Variants in MYH1 observed in about 807,000 individuals in gnomAD.
MYH1 encodes myosin heavy chain 1.
MYH1 carries 214 observed loss-of-function variants against 225.6 expected under a neutral mutation model. That is an observed-to-expected ratio of 0.95 (90% CI 0.85 to 1.06). The LOEUF is 1.06. Ranked by LOEUF, MYH1 falls within the 50% of genes least tolerant of loss-of-function variation. MYH1 has a pLI of 0.00. For synonymous variants in MYH1, 774 were observed against 842.3 expected, an observed-to-expected ratio of 0.92 and a Z score of 1.40; for missense variants, 2,098 against 2,344.2, an observed-to-expected ratio of 0.89 and a Z score of 2.17.
At chr17:10,506,267 C>T (rs889712863) in intron 17 of MYH1, among the ~76,000 whole-genome samples, 168 bp from the exon 18 acceptor site, 7 of 152,030 alleles carry the variant, frequency 4.6e-5, no homozygotes, top group Non-Finnish European at 1.0e-4. Context: ...TAATATGTCC[C>T]CCTGTTTTCT....
At chr17:10,510,097 C>T (rs116547829) in intron 14 of MYH1, among the ~76,000 whole-genome samples, 1,996 of 151,540 alleles carry the variant, frequency 0.013, 45 homozygotes, top group African/African-American at 0.045. Context: ...CATACGTGGG[C>T]GACACAGCTT....
At chr17:10,493,709 A>C (rs2142251523) in intron 39 of MYH1, among the ~76,000 whole-genome samples, 1 of 152,298 alleles carries the variant, frequency 6.6e-6, no homozygotes, top group Non-Finnish European at 1.5e-5. Flanking sequence ...TAAGTGTTAC[A>C]TCATCCACTT....
intron 20 of MYH1, 27 bp from the exon 21 acceptor site, chr17:10,505,326 G>T: frequency 1.9e-6 from 3 of 1,614,160 alleles, no homozygotes; most frequent in Middle Eastern, 1.6e-4. Flanking sequence ...TTTCAGATCA[G>T]AAAATTTACA....
In MYH1 at chr17:10,494,670, G is replaced by A. The variant is rs376061795; in HGVS notation, c.5470C>T (p.Arg1824Cys). 1.9e-5 allele frequency: 31 copies of A among 1,613,414 alleles called. No homozygotes were observed. Among genetic ancestry groups the A allele is most frequent in the Non-Finnish European group, 2.5e-5 (30 of 1,179,932 alleles). ...KQIQKLEARV[R>C]ELEGEVESEQ... ...CTTTCAACTTCACCTTCAAGTTCACGAACCTACAAGAAGATGGACATTTTA... is the reference window on the plus strand; with the variant it reads ...CTTTCAACTTCACCTTCAAGTTCACAAACCTACAAGAAGATGGACATTTTA... The change falls in exon 38 of 40, where the codon CGT becomes TGT. Residue 1824 changes from arginine (R) to cysteine (C), a missense_variant. Physicochemically the swap from Arg to Cys is radical, Grantham distance 180. Coordinates refer to ENST00000226207, the MANE Select transcript of MYH1 (RefSeq NM_005963.4).
Position 10,512,301 on chromosome 17 carries a change from T to A in MYH1, c.1147+107A>T, listed in dbSNP as rs186044532. ...TGTAGAAAGTCTGTGTGTGGGTACA[T>A]CTGAGTATGTCCATCAGGAGCTCAG... On this transcript the variant is annotated intron_variant, in intron 12 of 39. Coordinates refer to ENST00000226207, the MANE Select transcript of MYH1 (RefSeq NM_005963.4). The A allele has an allele frequency of 3.2e-5, 51 of 1,592,876 alleles. No individual in the cohort carries two copies. In the East Asian group the frequency reaches 1.1e-3, roughly 33 times the overall value.
At chr17:10,505,126 A>G in intron 21 of MYH1, 37 bp downstream of exon 21, 1 of 1,613,538 alleles carries the variant, frequency 6.2e-7, no homozygotes, top group South Asian at 1.1e-5. Context: ...TAAAACACCT[A>G]AGATGATGAG....
intron 39 of MYH1, among the ~76,000 whole-genome samples, chr17:10,493,912 C>G (rs73275458): frequency 0.019 from 2,885 of 152,304 alleles, 76 homozygotes; most frequent in African/African-American, 0.066. Flanking sequence ...TCTCTGCACC[C>G]ACTTGTGTTA....
chr17:10,507,947 C>T lies in MYH1; in HGVS notation c.1907G>A (p.Gly636Asp), dbSNP rs2073129984. Residue 636 changes from glycine to aspartate, a missense_variant, in exon 17 of 40, where the codon GGT (glycine) becomes GAT (aspartate). By Grantham distance (94) the Gly-to-Asp change is moderately conservative. Transcript: ENST00000226207. ...CTTCTTCTTACCACCTTTCTTTCCA[C>T]CGCCAGCCTCTGAGGGGAAAAAGAA... ...GATGAEAEAG[G>D]GKKGGKKKGS... 1.6e-5 allele frequency: 26 copies of T among 1,613,476 alleles called. No individual in the cohort carries two copies. The highest frequency in any genetic ancestry group is 2.2e-5 in the Non-Finnish European group (26 of 1,179,502).
In MYH1 at chr17:10,504,843, T is replaced by C; in HGVS notation, c.2658A>G (p.Gln886=). Residue 886 remains glutamine (Q), a synonymous_variant, in exon 22 of 40, where the codon CAA becomes CAG. Coordinates refer to ENST00000226207, the MANE Select transcript of MYH1 (RefSeq NM_005963.4). ...CCTGGAGTTGCAAGTCATTTTTTTCTTGCATCAGAGTAACCATTTTTTCTT... is the reference window on the plus strand; with the variant it reads ...CCTGGAGTTGCAAGTCATTTTTTTCCTGCATCAGAGTAACCATTTTTTCTT... The part of the protein sequence containing the change: ...ELEEKMVTLM[Q]EKNDLQLQVQ... The C allele has an allele frequency of 6.2e-7, 1 of 1,614,108 alleles. No homozygotes were observed. The highest frequency in any genetic ancestry group is 2.2e-5 in the East Asian group (1 of 44,886).
intron 37 of MYH1, 39 bp from the exon 38 acceptor site, chr17:10,494,712 G>T: frequency 6.2e-7 from 1 of 1,609,530 alleles, no homozygotes; most frequent in South Asian, 1.1e-5. Flanking sequence ...TTCATTTGAC[G>T]AATTTCTACT....
intron 5 of MYH1, among the ~76,000 whole-genome samples, chr17:10,515,560 G>C (rs775592661): frequency 2.6e-5 from 4 of 152,132 alleles, no homozygotes; most frequent in African/African-American, 7.2e-5. Context: ...CAAAAGGATT[G>C]AACTCCTATT....
Position 10,512,562 on chromosome 17 carries a change from A to G in MYH1, c.1009-16T>C, listed in dbSNP as rs759695280. 6.2e-7 allele frequency: 1 copy of G among 1,614,084 alleles called. No homozygotes were observed. ...CAATGGCACTCTACCATGAGAGATGAGAAGACAAAGATTAGGGCACAAGAG... is the reference window on the plus strand; with the variant it reads ...CAATGGCACTCTACCATGAGAGATGGGAAGACAAAGATTAGGGCACAAGAG... On this transcript the variant is annotated splice_polypyrimidine_tract_variant and intron_variant, in intron 11 of 39. Coordinates refer to ENST00000226207, the MANE Select transcript of MYH1 (RefSeq NM_005963.4).
In MYH1 at chr17:10,497,127, A is replaced by T. The variant is rs773410516; in HGVS notation, c.4598T>A (p.Ile1533Lys). ...GGKRIHELEK[I>K]KKQVEQEKSE... ...CTTTTCTTGCTCAACTTGCTTCTTT[A>T]TTTTTTCCAGTTCATGGATGCGCTT... is the stretch of plus-strand genomic sequence containing the variant. Residue 1533 changes from isoleucine (I) to lysine (K), a missense_variant, in exon 33 of 40, where the codon ATA (isoleucine) becomes AAA (lysine). By Grantham distance (102) the Ile-to-Lys change is moderately radical (BLOSUM62 -3). Coordinates refer to ENST00000226207, the MANE Select transcript of MYH1 (RefSeq NM_005963.4). 1 of 1,613,730 alleles carries T rather than the reference A, an allele frequency of 6.2e-7. No homozygotes were observed. The highest frequency in any genetic ancestry group is 1.1e-5 in the South Asian group (1 of 91,052).
chr17:10,507,166 C>T (rs558676123), intron 17 of MYH1, among the ~76,000 whole-genome samples: 4 of 152,066 alleles, frequency 2.6e-5, no homozygotes, highest in East Asian at 3.9e-4. Flanking sequence ...TGGGTTCAAG[C>T]GATTCTCATG....
chr17:10,508,208 G>T (rs1328311936), intron 16 of MYH1, among the ~76,000 whole-genome samples, 155 bp downstream of exon 16: 1 of 151,752 alleles, frequency 6.6e-6, no homozygotes, highest in African/African-American at 2.4e-5. Context: ...TAGTAGAGAC[G>T]GGGTTTTGCT....
Position 10,512,134 on chromosome 17 carries a change from G to C in MYH1, c.1206C>G (p.Leu402=). 1 of 1,614,204 alleles carries C rather than the reference G, an allele frequency of 6.2e-7. No homozygotes were observed. The highest frequency in any genetic ancestry group is 8.5e-7 in the Non-Finnish European group (1 of 1,180,028). Residue 402 remains leucine, a synonymous_variant, in exon 13 of 40, where the codon CTC becomes CTG. Coordinates refer to ENST00000226207, the MANE Select transcript of MYH1 (RefSeq NM_005963.4). The part of the protein sequence containing the change: ...NLNSADLLKA[L]CYPRVKVGNE... ...TGCCGACCTTGACCCTAGGGTAGCA[G>C]AGGGCTTTGAGCAGATCTGCAGAGT...
At chr17:10,508,008 T>TTTTTTTTTTG (rs754745051) in intron 16 of MYH1, 52 bp from the exon 17 acceptor site, 1 of 1,455,412 alleles carries the variant, frequency 6.9e-7, no homozygotes, top group South Asian at 1.2e-5. Context: ...GGTTATGGTT[T>TTTTTTTTTTG]TTTTTTTTTG....
chr17:10,514,872 T>A lies in MYH1; in HGVS notation c.529A>T (p.Ile177Phe). ...LTDRENQSIL[I>F]TGESGAGKTV... Reference sequence around the variant, plus strand: ...TCTCAGAATAGGAATACATACGTGATCAAGATAGACTGATTCTCCCGATCT... The same window carrying A: ...TCTCAGAATAGGAATACATACGTGAACAAGATAGACTGATTCTCCCGATCT... The change falls in exon 6 of 40, where the codon ATC (isoleucine) becomes TTC (phenylalanine). Residue 177 changes from isoleucine (I) to phenylalanine (F), a missense_variant. Ile to Phe is a conservative substitution (Grantham distance 21). Coordinates refer to ENST00000226207, the MANE Select transcript of MYH1 (RefSeq NM_005963.4). 1 of 1,612,482 alleles carries A rather than the reference T, an allele frequency of 6.2e-7. No homozygotes were observed. The highest frequency in any genetic ancestry group is 8.5e-7 in the Non-Finnish European group (1 of 1,179,012).
chr17:10,511,753 A>G (rs2073171737), intron 14 of MYH1, 86 bp downstream of exon 14: 3 of 1,600,846 alleles, frequency 1.9e-6, no homozygotes, highest in East Asian at 2.2e-5. Context: ...GACCCTTTCC[A>G]TAAGTGACTA....
Sources: gnomAD v4.1 joint callset for allele counts (sites outside exome capture counted in the v4.1 genomes callset) on GRCh38, gnomAD v4.1.1 for gene constraint, MANE v1.5 for transcripts, NCBI Gene and HGNC (gene_info 2026-07-23, HGNC 2026-07-21) for gene names.